The following CDH18 variants were observed in gnomAD, a reference collection of about 807,000 sequenced individuals.
CDH18 encodes cadherin-18.
In CDH18, 31 loss-of-function variants were observed where a neutral mutation model predicts 67.9. The ratio of observed to expected loss-of-function variants is 0.46; its 90% confidence interval spans 0.34 to 0.62. CDH18 has a LOEUF of 0.62. Among genes scored for constraint, CDH18 ranks in the 20% least tolerant of loss-of-function variants. The probability of loss-of-function intolerance (pLI) is 0.01; values close to 1 mark genes in which losing one functional copy is unlikely to be tolerated. For synonymous variants in CDH18, 362 were observed against 347.2 expected (o/e 1.04, Z -0.48); for missense variants, 890 against 975.5 (o/e 0.91, Z 1.17).
intron 2 of CDH18, among the ~76,000 whole-genome samples, chr5:20,015,851 A>C (rs1010383468): frequency 6.6e-6 from 1 of 152,258 alleles, no homozygotes; most frequent in Admixed American, 6.5e-5. Flanking sequence ...AAAGCAAATT[A>C]GTTGGTATAG....
At chr5:19,957,482 A>T (rs909639131) in intron 2 of CDH18, among the ~76,000 whole-genome samples, 1 of 151,824 alleles carries the variant, frequency 6.6e-6, no homozygotes, top group Non-Finnish European at 1.5e-5. Context: ...ATATCTACAT[A>T]GCCTTTGAAT....
intron 2 of CDH18, among the ~76,000 whole-genome samples, chr5:20,183,410 T>C (rs1426849065): frequency 6.6e-6 from 1 of 152,058 alleles, no homozygotes; most frequent in Non-Finnish European, 1.5e-5. Context: ...ACTTGACTAA[T>C]AAAATTTTAA....
chr5:19,490,222 TGCATTAATGTACATGGTGGA>T (rs1161144994), intron 11 of CDH18, among the ~76,000 whole-genome samples: 2 of 151,920 alleles, frequency 1.3e-5, no homozygotes, highest in African/African-American at 2.4e-5. Context: ...TTTCTTCACC[TGCATTAATGTACATGGTGGA>T]GCAGGTGACT....
chr5:19,753,801 C>T (rs1230501264), intron 3 of CDH18, among the ~76,000 whole-genome samples: 2 of 152,072 alleles, frequency 1.3e-5, no homozygotes, highest in African/African-American at 4.8e-5. Flanking sequence ...CATACAAGCT[C>T]GAAGGAATTG....
intron 2 of CDH18, among the ~76,000 whole-genome samples, chr5:20,044,798 A>G (rs977689374): frequency 5.9e-5 from 9 of 152,090 alleles, no homozygotes; most frequent in Non-Finnish European, 1.2e-4. Context: ...GGTTTCCTTC[A>G]CTTTCCTCTT....
intron 3 of CDH18, among the ~76,000 whole-genome samples, chr5:19,761,509 G>C (rs1283991961): frequency 2.0e-5 from 3 of 152,002 alleles, no homozygotes; most frequent in Non-Finnish European, 4.4e-5. Context: ...ATTAGAAGTA[G>C]AGTCCTTAGC....
chr5:20,220,452 C>G (rs957433471), intron 2 of CDH18, among the ~76,000 whole-genome samples: 1 of 151,888 alleles, frequency 6.6e-6, no homozygotes, highest in Non-Finnish European at 1.5e-5. Context: ...AGAGCCCTAT[C>G]ACTCATCATA....
rs890976285 is a variant in CDH18, at chr5:19,550,613, A to G, written c.1254-6608T>C. On this transcript the variant is annotated intron_variant, in intron 8 of 12. Coordinates refer to ENST00000382275, the MANE Select transcript of CDH18 (RefSeq NM_004934.5). ...TGAATTCATCATTTTTTATGGCTGC[A>G]TAGTATTCCATGGAGTATATGTGCC... Among the ~76,000 whole-genome samples the G allele has an allele frequency of 1.4e-4, 21 of 152,208 alleles. 1 individual carries two copies. Among genetic ancestry groups the G allele is most frequent in the Admixed American group, 1.4e-3 (21 of 15,278 alleles).
Position 19,838,893 on chromosome 5 carries a change from T to C in CDH18, c.94A>G (p.Lys32Glu). The C allele has an allele frequency of 6.2e-7, 1 of 1,614,080 alleles. No homozygotes were observed. The highest frequency in any genetic ancestry group is 1.1e-5 in the South Asian group (1 of 91,086). Residue 32 changes from lysine (K) to glutamate (E), a missense_variant, in exon 3 of 13, where the codon AAG becomes GAG. Lys to Glu is a moderately conservative substitution (Grantham distance 56, BLOSUM62 1). Transcript: ENST00000382275. ...TGTTTGGTTTGGTTTCTCATCACCT[T>C]GATGGAGCTGTGGTGAGCAGTTCCA... ...CYGTAHHSSI[K>E]VMRNQTKHIE...
chr5:20,163,871 C>T (rs1432858023), intron 2 of CDH18, among the ~76,000 whole-genome samples: 1 of 152,184 alleles, frequency 6.6e-6, no homozygotes, highest in African/African-American at 2.4e-5. Flanking sequence ...GTGAAAATCA[C>T]ATTTTTCATA....
At chr5:19,712,410 C>T (rs529289932) in intron 5 of CDH18, among the ~76,000 whole-genome samples, 1 of 151,952 alleles carries the variant, frequency 6.6e-6, no homozygotes, top group South Asian at 2.1e-4. Flanking sequence ...ATAGAGCTCT[C>T]AGAGTAGAGA....
At chr5:20,045,267 A>G in intron 2 of CDH18, among the ~76,000 whole-genome samples, 1 of 152,130 alleles carries the variant, frequency 6.6e-6, no homozygotes, top group East Asian at 1.9e-4. Flanking sequence ...TTCAAGGCAT[A>G]ATTGTTGGCT....
chr5:20,020,695 T>G (rs1051155455), intron 2 of CDH18, among the ~76,000 whole-genome samples: 2 of 152,040 alleles, frequency 1.3e-5, no homozygotes, highest in Admixed American at 1.3e-4. Context: ...CTTCCTCAAT[T>G]TCAGAGGGTG....
chr5:19,627,097 C>T (rs1751669125), intron 5 of CDH18, among the ~76,000 whole-genome samples: 2 of 152,108 alleles, frequency 1.3e-5, no homozygotes, highest in Non-Finnish European at 2.9e-5. Context: ...TTTCTCAACT[C>T]CATGTTCAAT....
At chr5:19,669,448 A>G (rs1205376683) in intron 5 of CDH18, among the ~76,000 whole-genome samples, 1 of 151,662 alleles carries the variant, frequency 6.6e-6, no homozygotes, top group East Asian at 1.9e-4. Flanking sequence ...ACATGCCACC[A>G]CATCTGGCTA....
intron 2 of CDH18, among the ~76,000 whole-genome samples, chr5:19,892,394 A>G (rs1408906989): frequency 5.9e-5 from 9 of 152,186 alleles, no homozygotes; most frequent in Non-Finnish European, 1.3e-4. Context: ...AAAGGGTTGG[A>G]AACAAGAATT....
At chr5:20,207,659 G>A (rs1167452516) in intron 2 of CDH18, among the ~76,000 whole-genome samples, 1 of 152,014 alleles carries the variant, frequency 6.6e-6, no homozygotes, top group African/African-American at 2.4e-5. Flanking sequence ...CCCATGCTGT[G>A]ATCCAATTAT....
chr5:19,619,855 A>G (rs1750418172), intron 5 of CDH18, among the ~76,000 whole-genome samples: 2 of 152,206 alleles, frequency 1.3e-5, no homozygotes, highest in Non-Finnish European at 2.9e-5. Flanking sequence ...TGATGGATTA[A>G]AACCTCAGAT....
At chr5:19,901,751 A>G (rs1789961444) in intron 2 of CDH18, among the ~76,000 whole-genome samples, 1 of 151,956 alleles carries the variant, frequency 6.6e-6, no homozygotes, top group African/African-American at 2.4e-5. Flanking sequence ...CAATATTTAT[A>G]TTTTCCATAT....
Sources: allele counts gnomAD v4.1 joint callset (sites outside exome capture counted in the v4.1 genomes callset), GRCh38; gene constraint gnomAD v4.1.1; transcripts MANE v1.5; gene names NCBI Gene and HGNC (gene_info 2026-07-23, HGNC 2026-07-21).